CDH4: variants seen among roughly 807,000 people sequenced by gnomAD.
CDH4 encodes the protein cadherin 4.
A neutral mutation model predicts 86.0 loss-of-function variants in CDH4; 33 were observed. The observed-to-expected ratio is 0.38, with a 90% CI of 0.29 to 0.51. CDH4 has a LOEUF of 0.51. Among genes scored for constraint, CDH4 ranks in the 20% least tolerant of loss-of-function variants. The probability of loss-of-function intolerance (pLI) is 0.86; values close to 1 mark genes in which losing one functional copy is unlikely to be tolerated. For missense variants in CDH4, 1,114 were observed against 1,307.4 expected, an observed-to-expected ratio of 0.85 and a Z score of 2.28; for synonymous variants, 555 against 549.4, an observed-to-expected ratio of 1.01 and a Z score of -0.14.
At chr20:61,492,652 G>A (rs556225241) in intron 2 of CDH4, among the ~76,000 whole-genome samples, 34 of 152,280 alleles carry the variant, frequency 2.2e-4, no homozygotes, top group East Asian at 1.2e-3. Context: ...TGGCAATGCC[G>A]TGGTGAAAAT....
intron 7 of CDH4, among the ~76,000 whole-genome samples, chr20:61,892,078 T>G (rs1446676305): frequency 1.3e-5 from 2 of 152,236 alleles, no homozygotes; most frequent in African/African-American, 2.4e-5. Context: ...AGATAATGTG[T>G]CAATAAAAGA....
chr20:61,511,561 A>T (rs1472147225), intron 2 of CDH4, among the ~76,000 whole-genome samples: 2 of 152,266 alleles, frequency 1.3e-5, no homozygotes. Flanking sequence ...AGCAGCGGGT[A>T]CTTCCCAACA....
At position 61,518,478 on chromosome 20, in the gene CDH4, A is replaced by ATCCT. The variant is rs2085841626; in HGVS notation, c.170-225081_170-225078dup. ...TCATCCACCCATCGTCCATCCATCC[A>ATCCT]TCCTTCCATCATTGATTCATCATCC... On this transcript the variant is annotated intron_variant, in intron 2 of 15. Coordinates refer to ENST00000614565, the MANE Select transcript of CDH4 (RefSeq NM_001794.5). This position sits in a 1 kb window ranked among gnomAD's most constrained non-coding sequence, Gnocchi z 6.3. Among the ~76,000 whole-genome samples the ATCCT allele has an allele frequency of 6.6e-6, 1 of 151,738 alleles. No individual in the cohort carries two copies. The highest frequency in any genetic ancestry group is 2.1e-4 in the South Asian group (1 of 4,792).
intron 7 of CDH4, among the ~76,000 whole-genome samples, chr20:61,885,424 G>A (rs1330960614): frequency 6.6e-6 from 1 of 152,154 alleles, no homozygotes; most frequent in Non-Finnish European, 1.5e-5. Flanking sequence ...CGTGTCTGGT[G>A]TCTCTCACCG....
chr20:61,726,134 G>T (rs904702057), intron 2 of CDH4, among the ~76,000 whole-genome samples: 4 of 152,070 alleles, frequency 2.6e-5, no homozygotes, highest in African/African-American at 9.7e-5. Flanking sequence ...GTCTCGGGGG[G>T]GACTGTGGTG....
At chr20:61,714,033 T>TTATGTTATGTTATG (rs2087923589) in intron 2 of CDH4, among the ~76,000 whole-genome samples, 1 of 132,118 alleles carries the variant, frequency 7.6e-6, no homozygotes, top group African/African-American at 3.5e-5. Flanking sequence ...TTTATTTTAT[T>TTATGTTATGTTATG]TTATTTTATT....
chr20:61,859,195 G>A (rs562449543), intron 6 of CDH4, among the ~76,000 whole-genome samples: 4 of 152,114 alleles, frequency 2.6e-5, no homozygotes, highest in Admixed American at 6.5e-5. Context: ...TGGCATCTGC[G>A]TGTCCTCTTC....
At chr20:61,411,848 G>A (rs924117262) in intron 2 of CDH4, among the ~76,000 whole-genome samples, 15 of 152,316 alleles carry the variant, frequency 9.8e-5, no homozygotes, top group Non-Finnish European at 5.9e-5. Context: ...GCCAGGCCCC[G>A]ATCAGTGCCC....
intron 2 of CDH4, among the ~76,000 whole-genome samples, chr20:61,418,500 C>A (rs1017462735): frequency 1.3e-5 from 2 of 152,162 alleles, no homozygotes; most frequent in Admixed American, 1.3e-4. Flanking sequence ...CTTGAGCCAC[C>A]GCGCCTGGCC....
chr20:61,819,434 G>A (rs994410071), intron 4 of CDH4, among the ~76,000 whole-genome samples: 1 of 152,236 alleles, frequency 6.6e-6, no homozygotes, highest in South Asian at 2.1e-4. Flanking sequence ...AGCGTTCCAT[G>A]CATTCGCATT....
chr20:61,647,566 T>TCTCTCTCTCTCTCC (rs2087077477), intron 2 of CDH4, among the ~76,000 whole-genome samples: 1 of 64,198 alleles, frequency 1.6e-5, no homozygotes, highest in Non-Finnish European at 3.5e-5. Context: ...TCCCTCTCCC[T>TCTCTCTCTCTCTCC]CTCCCTCCCT....
At chr20:61,318,464 C>A (rs751145168) in intron 2 of CDH4, among the ~76,000 whole-genome samples, 1 of 152,228 alleles carries the variant, frequency 6.6e-6, no homozygotes, top group African/African-American at 2.4e-5. Context: ...TTACCCCTTG[C>A]CTCATCTCTT....
chr20:61,739,631 G>A (rs1648005602), intron 2 of CDH4, among the ~76,000 whole-genome samples: 1 of 152,246 alleles, frequency 6.6e-6, no homozygotes, highest in African/African-American at 2.4e-5. Context: ...CAGAGTGCGG[G>A]TCCTGGATGG....
At chr20:61,760,833 C>T (rs766428839) in intron 3 of CDH4, among the ~76,000 whole-genome samples, 1 of 152,172 alleles carries the variant, frequency 6.6e-6, no homozygotes, top group Non-Finnish European at 1.5e-5. Context: ...TTGGCCCCTA[C>T]TGGTGTCATT....
At chr20:61,409,871 T>C (rs11204447) in intron 2 of CDH4, among the ~76,000 whole-genome samples, 33,611 of 152,268 alleles carry the variant, frequency 0.22, 4,665 homozygotes, top group East Asian at 0.54. Context: ...TTGGGGGGCT[T>C]ATAGCAGCCC....
chr20:61,926,929 G>A (rs558260380), intron 11 of CDH4, among the ~76,000 whole-genome samples: 59 of 152,284 alleles, frequency 3.9e-4, no homozygotes, highest in Non-Finnish European at 6.8e-4. Context: ...ACATCGGAGC[G>A]TCCATCGCAC....
At chr20:61,428,019 T>C (rs6089565) in intron 2 of CDH4, among the ~76,000 whole-genome samples, 4,333 of 152,228 alleles carry the variant, frequency 0.028, 98 homozygotes, top group Non-Finnish European at 0.044. Context: ...TGAATGAAGA[T>C]GGTGCATGGT....
chr20:61,883,138 C>T (rs1365094620), intron 7 of CDH4, among the ~76,000 whole-genome samples: 1 of 151,090 alleles, frequency 6.6e-6, no homozygotes, highest in Admixed American at 6.6e-5. Context: ...TTCTCGCTGG[C>T]TGCTCCCCCC....
At chr20:61,837,187 T>A (rs1981922231) in intron 4 of CDH4, among the ~76,000 whole-genome samples, 1 of 152,130 alleles carries the variant, frequency 6.6e-6, no homozygotes. Flanking sequence ...AGCAAGACCC[T>A]GTCTCAAAAA....
Sources: allele counts gnomAD v4.1 joint callset (sites outside exome capture counted in the v4.1 genomes callset), GRCh38; gene constraint gnomAD v4.1.1; non-coding constraint Gnocchi (gnomAD v3.1); transcripts MANE v1.5; gene names NCBI Gene and HGNC (gene_info 2026-07-23, HGNC 2026-07-21).